NAV2: variants seen among roughly 807,000 people sequenced by gnomAD.
The protein encoded by NAV2 is helicase, APC down-regulated 1.
In NAV2, 54 loss-of-function variants were observed where a neutral mutation model predicts 223.2. That is an observed-to-expected ratio of 0.24 (90% CI 0.19 to 0.30). The LOEUF (loss-of-function observed/expected upper bound fraction) is 0.30, where lower values mean the gene tolerates loss of function less well. NAV2 is among the 10% of genes least tolerant of loss of function. The probability of loss-of-function intolerance (pLI) is 1.00; values close to 1 mark genes in which losing one functional copy is unlikely to be tolerated. For synonymous variants in NAV2, 1,279 were observed against 1,239.3 expected (o/e 1.03, Z -0.67); for missense variants, 2,806 against 3,147.5 (o/e 0.89, Z 2.60).
chr11:19,758,192 A>T (rs1478317117), intron 1 of NAV2, among the ~76,000 whole-genome samples: 1 of 152,228 alleles, frequency 6.6e-6, no homozygotes, highest in Non-Finnish European at 1.5e-5. Context: ...GGACACAAGA[A>T]TGAACAAAAC....
chr11:19,968,941 G>A (rs2048996456), intron 10 of NAV2, among the ~76,000 whole-genome samples: 2 of 152,134 alleles, frequency 1.3e-5, no homozygotes, highest in African/African-American at 4.8e-5. Flanking sequence ...TTGTCCGCAG[G>A]CTGGCTGGGT....
intron 1 of NAV2, among the ~76,000 whole-genome samples, chr11:19,438,622 T>G (rs573306953): frequency 6.6e-6 from 1 of 152,306 alleles, no homozygotes; most frequent in Non-Finnish European, 1.5e-5. Flanking sequence ...AGCTATAAAT[T>G]AGGATTTTCC....
At chr11:19,437,843 AAGAC>A (rs1851267428) in intron 1 of NAV2, among the ~76,000 whole-genome samples, 1 of 152,252 alleles carries the variant, frequency 6.6e-6, no homozygotes, top group Non-Finnish European at 1.5e-5. Flanking sequence ...AAGCATAAAA[AAGAC>A]AGGCAAAATA....
At chr11:19,524,592 T>C (rs2043785448) in intron 1 of NAV2, among the ~76,000 whole-genome samples, 2 of 152,162 alleles carry the variant, frequency 1.3e-5, no homozygotes, top group Non-Finnish European at 1.5e-5. Flanking sequence ...CTGCCGGCTA[T>C]GGAGACAGTG....
At chr11:19,350,781 T>G in exon 1 of NAV2, 1 of 640,742 alleles carries the variant, frequency 1.6e-6, no homozygotes, top group East Asian at 2.8e-5. Flanking sequence ...CGAGTGAGGT[T>G]CCCGAGTGGA....
intron 1 of NAV2, among the ~76,000 whole-genome samples, chr11:19,397,914 A>G (rs775039242): frequency 3.7e-4 from 57 of 152,308 alleles, no homozygotes; most frequent in Middle Eastern, 3.4e-3. Flanking sequence ...GAGAAAGGGC[A>G]GCAGCAGTGC....
At chr11:19,543,287 T>G (rs1043623497) in intron 1 of NAV2, among the ~76,000 whole-genome samples, 1 of 152,216 alleles carries the variant, frequency 6.6e-6, no homozygotes, top group Admixed American at 6.5e-5. Flanking sequence ...CTTCCTCTTT[T>G]GGAAGTTTGG....
chr11:19,622,925 G>A (rs1196731496), intron 1 of NAV2, among the ~76,000 whole-genome samples: 1 of 152,102 alleles, frequency 6.6e-6, no homozygotes, highest in African/African-American at 2.4e-5. Flanking sequence ...TCCATGTTTA[G>A]TGCTTCCTTC....
chr11:19,566,521 C>T (rs144387793), intron 1 of NAV2, among the ~76,000 whole-genome samples: 230 of 152,322 alleles, frequency 1.5e-3, no homozygotes, highest in African/African-American at 5.2e-3. Context: ...GTTTTGCAAA[C>T]GCCATTTGGC....
At chr11:20,046,562 A>C (rs558822161) in intron 14 of NAV2, among the ~76,000 whole-genome samples, 1 of 149,536 alleles carries the variant, frequency 6.7e-6, no homozygotes, top group South Asian at 2.1e-4. Flanking sequence ...CCGGAATTCC[A>C]AGTCAGTCTG....
At chr11:19,724,846 G>A (rs2051103630) in intron 1 of NAV2, among the ~76,000 whole-genome samples, 1 of 152,158 alleles carries the variant, frequency 6.6e-6, no homozygotes, top group Non-Finnish European at 1.5e-5. Context: ...GAGAGACCTG[G>A]GTTAAGTTCC....
intron 5 of NAV2, among the ~76,000 whole-genome samples, chr11:19,888,116 G>T (rs567695113): frequency 2.6e-5 from 4 of 152,064 alleles, no homozygotes; most frequent in African/African-American, 7.2e-5. Context: ...TTCCCCCACC[G>T]CTTACACCAC....
intron 1 of NAV2, among the ~76,000 whole-genome samples, chr11:19,731,768 C>A (rs1455880817): frequency 6.6e-6 from 1 of 152,186 alleles, no homozygotes; most frequent in South Asian, 2.1e-4. Flanking sequence ...GAACAATTTT[C>A]CTTGCTTTAG....
chr11:20,025,531 C>T (rs2054963244), intron 11 of NAV2, among the ~76,000 whole-genome samples: 1 of 152,128 alleles, frequency 6.6e-6, no homozygotes, highest in Non-Finnish European at 1.5e-5. Context: ...TCTAAGGCAT[C>T]CGGAGCTTTG....
chr11:19,737,044 T>C (rs1221759625), intron 1 of NAV2, among the ~76,000 whole-genome samples: 1 of 152,244 alleles, frequency 6.6e-6, no homozygotes, highest in African/African-American at 2.4e-5. Flanking sequence ...TCTCCTAGAA[T>C]TGGCTGCTAG....
chr11:19,611,602 G>T lies in NAV2; in HGVS notation c.76-220882G>T, dbSNP rs150860654. On this transcript the variant is annotated intron_variant, in intron 1 of 37. Coordinates refer to the NAV2 transcript ENST00000360655. ...GTTACCCATGCAAGTCCAAAATCCA[G>T]TGGGGCAGTCAAATTTTAAAGCTCC... is the stretch of plus-strand genomic sequence containing the variant. 9.7e-3 allele frequency among the ~76,000 whole-genome samples: 1,481 copies of T among 152,336 alleles called. 21 individuals are homozygous for T. Among genetic ancestry groups the T allele is most frequent in the South Asian group, 0.04 (193 of 4,826 alleles).
At chr11:19,587,957 A>G (rs2045950387) in intron 1 of NAV2, among the ~76,000 whole-genome samples, 1 of 152,222 alleles carries the variant, frequency 6.6e-6, no homozygotes, top group African/African-American at 2.4e-5. Flanking sequence ...ATAGAGTGCC[A>G]TTGGGTCTAG....
In NAV2 at chr11:19,935,862, T is replaced by TG. The variant is rs1565594630; in HGVS notation, c.2033+1585_2033+1586insG. Among the ~76,000 whole-genome samples, 358 of 112,928 alleles carry TG rather than the reference T, an allele frequency of 3.2e-3. 11 individuals are homozygous for TG. The highest frequency in any genetic ancestry group is 0.026 in the Admixed American group (291 of 11,130). The allele number at this position is 112,928 out of a possible 152,430, so 74.1% of individuals were successfully genotyped here. A position where few individuals can be genotyped will look rare whatever the true frequency, so the allele number is the denominator to read the frequency against. On this transcript the variant is annotated intron_variant, in intron 7 of 37. Coordinates refer to ENST00000349880, the MANE Select transcript of NAV2 (RefSeq NM_145117.5). ...TTTGTTTTGTTTCTGTTTTTTTTTT[T>TG]TTTTTTTTTTTTTGAGATGGAGTGT...
intron 1 of NAV2, among the ~76,000 whole-genome samples, chr11:19,665,453 C>T (rs2048386008): frequency 6.6e-6 from 1 of 152,204 alleles, no homozygotes; most frequent in Non-Finnish European, 1.5e-5. Flanking sequence ...TCCTCCTCCC[C>T]ATGGCAGCTC....
Sources: allele counts gnomAD v4.1 joint callset (sites outside exome capture counted in the v4.1 genomes callset), GRCh38; gene constraint gnomAD v4.1.1; transcripts MANE v1.5; gene names NCBI Gene and HGNC (gene_info 2026-07-23, HGNC 2026-07-21).